ZFP64: variants seen among roughly 807,000 people sequenced by gnomAD.
The protein encoded by ZFP64 is ZFP64 zinc finger protein.
A neutral mutation model predicts 51.6 loss-of-function variants in ZFP64; 14 were observed. That is an observed-to-expected ratio of 0.27 (90% CI 0.18 to 0.42). The LOEUF (loss-of-function observed/expected upper bound fraction) is 0.42, where lower values mean the gene tolerates loss of function less well. ZFP64 is among the 10% of genes least tolerant of loss of function. The pLI is 1.00. For synonymous variants in ZFP64, 375 were observed against 361.4 expected (o/e 1.04, Z -0.43); for missense variants, 754 against 906.8 (o/e 0.83, Z 2.16).
intron 6 of ZFP64, chr20:52,097,452 G>GT: frequency 1.3e-6 from 2 of 1,521,404 alleles, no homozygotes; most frequent in Non-Finnish European, 1.8e-6. Context: ...AAGAAAAATA[G>GT]ATTTTTTTTT....
In ZFP64 at chr20:52,128,929, T is replaced by TTC. The variant is rs11086372; in HGVS notation, c.764-30343_764-30342insGA. Reference sequence around the variant, plus strand: ...CCTTTTTTTAAATTTTCTTTCTTTTTCTGAGACGGAGTCTCATTCTGTCAC... The same window carrying TTC: ...CCTTTTTTTAAATTTTCTTTCTTTTTTCCTGAGACGGAGTCTCATTCTGTCAC... On this transcript the variant is annotated intron_variant, in intron 5 of 8. Coordinates refer to the ZFP64 transcript ENST00000361387. 2.6e-5 allele frequency among the ~76,000 whole-genome samples: 4 copies of TTC among 152,084 alleles called. No homozygotes were observed. In the East Asian group the frequency reaches 7.7e-4, roughly 29 times the overall value.
intron 5 of ZFP64, among the ~76,000 whole-genome samples, chr20:52,113,776 T>G (rs1479525488): frequency 6.6e-6 from 1 of 152,046 alleles, no homozygotes; most frequent in Admixed American, 6.6e-5. Flanking sequence ...ATTGCCTGCC[T>G]CTGCTCTAGG....
chr20:52,107,829 TAA>T (rs1978345874), intron 5 of ZFP64, among the ~76,000 whole-genome samples: 1 of 152,258 alleles, frequency 6.6e-6, no homozygotes, highest in Non-Finnish European at 1.5e-5. Context: ...ATGATCTTTC[TAA>T]AAAGTGTCAG....
At chr20:52,177,925 A>G (rs888537233) in intron 2 of ZFP64, among the ~76,000 whole-genome samples, 4 of 151,480 alleles carry the variant, frequency 2.6e-5, no homozygotes, top group Admixed American at 6.6e-5. Flanking sequence ...CCAGCTACTG[A>G]GGAGGCTGAG....
intron 5 of ZFP64, among the ~76,000 whole-genome samples, chr20:52,133,327 T>C (rs994624614): frequency 1.3e-5 from 2 of 152,192 alleles, no homozygotes; most frequent in South Asian, 4.1e-4. Context: ...ACCACTGTTA[T>C]TCAACATAGC....
At chr20:52,112,198 A>C (rs1054601564) in intron 5 of ZFP64, among the ~76,000 whole-genome samples, 9 of 152,210 alleles carry the variant, frequency 5.9e-5, no homozygotes, top group African/African-American at 2.2e-4. Flanking sequence ...TCATTAATAA[A>C]ATGGCAATGC....
chr20:52,137,398 A>T (rs530658462), intron 5 of ZFP64, among the ~76,000 whole-genome samples: 23 of 152,248 alleles, frequency 1.5e-4, no homozygotes, highest in African/African-American at 5.3e-4. Context: ...CCAACTTTTC[A>T]TCTCCACCAG....
rs150634112 is a variant in ZFP64 at position 52,084,611 on chromosome 20, G to T, written c.1884C>A (p.Thr628=). 4 of 1,614,152 alleles carry T rather than the reference G, an allele frequency of 2.5e-6. No individual in the cohort carries two copies. In the South Asian group the frequency reaches 4.4e-5, roughly 18 times the overall value. Residue 628 remains threonine (T), a synonymous_variant, in exon 9 of 9, where the codon ACC becomes ACA. Coordinates refer to the ZFP64 transcript ENST00000361387. ...CCTCGAGCTGCCCCACGGAGACCAG[G>T]GTGCTGAGCTGTCCCGAGGCACCGC... is the stretch of plus-strand genomic sequence containing the variant.
At chr20:52,188,927 G>A (rs1030490558) in intron 1 of ZFP64, among the ~76,000 whole-genome samples, 4 of 151,894 alleles carry the variant, frequency 2.6e-5, no homozygotes, top group African/African-American at 9.7e-5. Context: ...AGTGAGCTGA[G>A]ATTGTGCCAC....
At chr20:52,097,753 C>T (rs1161240894) in intron 6 of ZFP64, among the ~76,000 whole-genome samples, 2 of 152,124 alleles carry the variant, frequency 1.3e-5, no homozygotes, top group Non-Finnish European at 2.9e-5. Context: ...AGCCACCATG[C>T]CTGGCCTGAA....
At chr20:52,190,394 A>G (rs990482678) in intron 1 of ZFP64, among the ~76,000 whole-genome samples, 4 of 152,194 alleles carry the variant, frequency 2.6e-5, no homozygotes, top group African/African-American at 9.7e-5. Context: ...GTCGCTTAAC[A>G]ACAGTGACTT....
chr20:52,097,249 C>G lies in ZFP64; in HGVS notation c.976+124G>C, dbSNP rs780228759. 26 of 1,188,814 alleles carry G rather than the reference C, an allele frequency of 2.2e-5. 1 individual carries two copies. In the South Asian group the frequency reaches 3.1e-4, roughly 14 times the overall value. The allele number at this position is 1,188,814 out of a possible 1,614,324, so 73.6% of individuals were successfully genotyped here. On this transcript the variant is annotated intron_variant, in intron 7 of 8. Coordinates refer to the ZFP64 transcript ENST00000361387. Reference sequence around the variant, plus strand: ...TGCTCCTTCTCCCAAGCCCACCCCACTAGACTGAGTTTCATGAGGCAGATG... The same window carrying G: ...TGCTCCTTCTCCCAAGCCCACCCCAGTAGACTGAGTTTCATGAGGCAGATG...
intron 5 of ZFP64, among the ~76,000 whole-genome samples, chr20:52,112,845 G>A (rs1204847942): frequency 6.6e-6 from 1 of 151,868 alleles, no homozygotes; most frequent in African/African-American, 2.4e-5. Flanking sequence ...TTGAACTCCT[G>A]GGCTCAAGTG....
intron 8 of ZFP64, chr20:52,088,217 A>G: frequency 9.4e-7 from 1 of 1,068,052 alleles, no homozygotes; most frequent in Non-Finnish European, 1.3e-6. Context: ...ATATTTTACC[A>G]AAAGTTGTTG....
intron 2 of ZFP64, chr20:52,176,146 A>G (rs1435524843): frequency 1.1e-5 from 2 of 177,584 alleles, no homozygotes; most frequent in East Asian, 1.9e-4. Flanking sequence ...GGCTGCCGTT[A>G]AAGTCCCAAC....
intron 4 of ZFP64, among the ~76,000 whole-genome samples, chr20:52,163,879 A>G (rs1022710160): frequency 2.0e-5 from 3 of 152,248 alleles, no homozygotes; most frequent in African/African-American, 7.2e-5. Context: ...AAATCACCAG[A>G]AATCATCACT....
At chr20:52,175,778 A>C in intron 2 of ZFP64, 1 of 406,652 alleles carries the variant, frequency 2.5e-6, no homozygotes, top group South Asian at 1.0e-4. Context: ...CAGGAGGCAG[A>C]GGTTGCAGTG....
At chr20:52,097,348 G>C in intron 7 of ZFP64, 10 of 1,606,536 alleles carry the variant, frequency 6.2e-6, no homozygotes, top group Non-Finnish European at 8.5e-6. Context: ...TTCTTACTGA[G>C]CTGTTGAACA....
rs115123180 is a variant in ZFP64, at chr20:52,119,750, C to G, written c.764-21163G>C. Among the ~76,000 whole-genome samples the G allele has an allele frequency of 9.4e-3, 1,421 of 151,108 alleles. 22 individuals carry two copies. Among genetic ancestry groups the G allele is most frequent in the African/African-American group, 0.032 (1,314 of 41,140 alleles). On this transcript the variant is annotated intron_variant, in intron 5 of 8. Coordinates refer to the ZFP64 transcript ENST00000361387. ...GTCTCAAAACAAACAAAAAAACAAC[C>G]AAACAAAAAACAACCCCTCCCCACT...
Sources: gnomAD v4.1 joint callset for allele counts (sites outside exome capture counted in the v4.1 genomes callset) on GRCh38, gnomAD v4.1.1 for gene constraint, MANE v1.5 for transcripts, NCBI Gene and HGNC (gene_info 2026-07-23, HGNC 2026-07-21) for gene names.